NPY5R: variants seen among roughly 807,000 people sequenced by gnomAD.
NPY5R encodes neuropeptide Y receptor type 5.
A neutral mutation model predicts 24.8 loss-of-function variants in NPY5R; 21 were observed. That is an observed-to-expected ratio of 0.85 (90% CI 0.60 to 1.22). The LOEUF is 1.22. Ranked by LOEUF, NPY5R falls within the 50% of genes most tolerant of loss-of-function variation. The pLI is 0.00. For missense variants in NPY5R, 481 were observed against 521.3 expected (o/e 0.92, Z 0.75); for synonymous variants, 175 against 183.0 (o/e 0.96, Z 0.35).
rs886258346 is a variant in NPY5R at position 163,344,513 on chromosome 4, G to A, written c.-121+513G>A. Reference sequence around the variant, plus strand: ...CCCTAGCGGGTCTCTGGCGAGGCCGGGGGCGCAGCCCGCGGGGCGCCACTC... The same window carrying A: ...CCCTAGCGGGTCTCTGGCGAGGCCGAGGGCGCAGCCCGCGGGGCGCCACTC... On this transcript the variant is annotated intron_variant, in intron 1 of 3. Transcript: ENST00000338566. The A allele has an allele frequency of 2.0e-5, 3 of 152,276 alleles. No individual in the cohort carries two copies. In the East Asian group the frequency reaches 5.8e-4, roughly 29 times the overall value. 9.4% of individuals were successfully genotyped at this position (152,276 alleles called of 1,614,324 possible).
chr4:163,347,261 G>A (rs1735291547), intron 2 of NPY5R, among the ~76,000 whole-genome samples, 191 bp from the exon 3 acceptor site: 1 of 152,178 alleles, frequency 6.6e-6, no homozygotes, highest in African/African-American at 2.4e-5. Context: ...ATGGAATGGA[G>A]AAAAATCTGA....
intron 1 of NPY5R, chr4:163,344,827 A>G (rs1454413466): frequency 6.6e-6 from 1 of 152,026 alleles, no homozygotes; most frequent in African/African-American, 2.4e-5. Context: ...TGCAGTCCGA[A>G]TGCAATTTTA....
chr4:163,345,562 T>C (rs1054060487), intron 1 of NPY5R, 152 bp from the exon 2 acceptor site: 1 of 152,224 alleles, frequency 6.6e-6, no homozygotes, highest in Non-Finnish European at 1.5e-5. Context: ...TATTCCATGT[T>C]AAAATATTTT....
chr4:163,346,771 T>C (rs11724320), intron 2 of NPY5R, among the ~76,000 whole-genome samples: 85,255 of 152,030 alleles, frequency 0.56, 25,087 homozygotes, highest in Non-Finnish European at 0.66. Context: ...TGCACAGTCG[T>C]GGAAATGGAT....
At chr4:163,344,607 C>A (rs1346925037) in intron 1 of NPY5R, 5 of 152,224 alleles carry the variant, frequency 3.3e-5, no homozygotes, top group Non-Finnish European at 7.3e-5. Context: ...CTAAGGTTTG[C>A]GCTCCTGTTT....
intron 1 of NPY5R, chr4:163,344,745 G>A (rs1446720389): frequency 6.6e-6 from 1 of 152,258 alleles, no homozygotes; most frequent in African/African-American, 2.4e-5. Context: ...CTGAGGCGTT[G>A]TGTTGGACCA....
chr4:163,349,488 C>A (rs1424499084), intron 3 of NPY5R, among the ~76,000 whole-genome samples: 2 of 152,142 alleles, frequency 1.3e-5, no homozygotes, highest in Admixed American at 1.3e-4. Context: ...GAGATCATGT[C>A]CAGCCGAGTT....
intron 3 of NPY5R, among the ~76,000 whole-genome samples, chr4:163,348,575 T>C (rs1735349122): frequency 6.6e-6 from 1 of 151,608 alleles, no homozygotes; most frequent in African/African-American, 2.4e-5. Flanking sequence ...AGTCCAGGCG[T>C]TCAAGGTTAC....
chr4:163,347,028 C>T (rs1015281384), intron 2 of NPY5R, among the ~76,000 whole-genome samples: 4 of 152,086 alleles, frequency 2.6e-5, no homozygotes, highest in African/African-American at 7.2e-5. Flanking sequence ...TATGTACACA[C>T]AAAAATATAG....
intron 1 of NPY5R, chr4:163,344,406 G>C (rs1578949325): frequency 3.3e-5 from 5 of 152,420 alleles, no homozygotes; most frequent in East Asian, 1.9e-4. Flanking sequence ...CGCTGCCCCC[G>C]GCTGGACGCG....
chr4:163,346,336 G>T (rs1008829624), intron 2 of NPY5R, among the ~76,000 whole-genome samples: 10 of 151,958 alleles, frequency 6.6e-5, no homozygotes, highest in Admixed American at 4.6e-4. Flanking sequence ...TCCAATTTGG[G>T]GCCTTTTATA....
rs144160203 is a variant in NPY5R, at chr4:163,351,287, G to T, written c.1014G>T (p.Glu338Asp). The T allele has an allele frequency of 1.1e-4, 173 of 1,613,934 alleles. No homozygotes were observed. The African/African-American group carries it at 2.1e-3, about 20-fold the overall frequency. Residue 338 changes from glutamate (E) to aspartate (D), a missense_variant, in exon 4 of 4, where the codon GAG (glutamate) becomes GAT (aspartate). Glu to Asp is a conservative substitution (Grantham distance 45, BLOSUM62 2). Transcript: ENST00000338566. The stretch of plus-strand genomic sequence containing the variant: ...TACCAGGGGTCCCCACTTGCTTTGA[G>T]ATAAAACCTGAAGAAAATTCAGATG... ...KFIPGVPTCFEIKPEENSDVH... is the reference protein window; with the variant it reads ...KFIPGVPTCFDIKPEENSDVH...
rs1735435707 is a variant in NPY5R, at chr4:163,350,334, G to A, written c.61G>A (p.Ala21Thr). ...ACTTGCCACAGAGAATAATACTGCT[G>A]CCACTCGGAATTCTGATTTCCCAGT... The part of the protein sequence containing the change: ...KTLATENNTA[A>T]TRNSDFPVWD... The change falls in exon 4 of 4, where the codon GCC (alanine) becomes ACC (threonine). Residue 21 changes from alanine (A) to threonine (T), a missense_variant. Transcript: ENST00000338566. 1 of 1,609,852 alleles carries A rather than the reference G, an allele frequency of 6.2e-7. No homozygotes were observed. Among genetic ancestry groups the A allele is most frequent in the African/African-American group, 1.3e-5 (1 of 74,872 alleles).
Position 163,351,230 on chromosome 4 carries a change from A to G in NPY5R, c.957A>G (p.Val319=), listed in dbSNP as rs761488764. Reference sequence around the variant, plus strand: ...TACTTCCAGAAAACTTTGGCTCTGTAAGAAGTCAGCTCTCTTCATCCAGTA... The same window carrying G: ...TACTTCCAGAAAACTTTGGCTCTGTGAGAAGTCAGCTCTCTTCATCCAGTA... ...SRILPENFGS[V]RSQLSSSSKF... The change falls in exon 4 of 4, where the codon GTA becomes GTG. Residue 319 remains valine, a synonymous_variant. Coordinates refer to ENST00000338566, the MANE Select transcript of NPY5R (RefSeq NM_006174.4). 2 of 1,614,160 alleles carry G rather than the reference A, an allele frequency of 1.2e-6. No individual in the cohort carries two copies. Among genetic ancestry groups the G allele is most frequent in the Non-Finnish European group, 8.5e-7 (1 of 1,180,010 alleles).
Position 163,351,584 on chromosome 4 carries a change from G to A in NPY5R, c.1311G>A (p.Val437=), listed in dbSNP as rs771492501. The change falls in exon 4 of 4, where the codon GTG becomes GTA. Residue 437 remains valine (V), a synonymous_variant. Coordinates refer to ENST00000338566, the MANE Select transcript of NPY5R (RefSeq NM_006174.4). Reference sequence around the variant, plus strand: ...ATAATGGGATTAAAGCTGATTTAGTGTCCCTTATACACTGTCTTCATATGT... The same window carrying A: ...ATAATGGGATTAAAGCTGATTTAGTATCCCTTATACACTGTCTTCATATGT... ...FLNNGIKADL[V]SLIHCLHM is the part of the protein sequence containing the mutation. 6.2e-7 allele frequency: 1 copy of A among 1,608,382 alleles called. No homozygotes were observed. Among genetic ancestry groups the A allele is most frequent in the Admixed American group, 1.7e-5 (1 of 59,980 alleles).
Position 163,350,573 on chromosome 4 carries a change from G to T in NPY5R, c.300G>T (p.Thr100=). Residue 100 remains threonine, a synonymous_variant, in exon 4 of 4, where the codon ACG becomes ACT. Transcript: ENST00000338566. ...TGTTTTGCTCACCTTTCACACTGAC[G>T]TCTGTCTTGCTGGATCAGTGGATGT... is the stretch of plus-strand genomic sequence containing the variant. The part of the protein sequence containing the change: ...VVLFCSPFTL[T]SVLLDQWMFG... The T allele has an allele frequency of 1.9e-6, 3 of 1,614,064 alleles. No individual in the cohort carries two copies. The highest frequency in any genetic ancestry group is 2.5e-6 in the Non-Finnish European group (3 of 1,179,986).
chr4:163,348,794 G>A (rs183016340), intron 3 of NPY5R, among the ~76,000 whole-genome samples: 7 of 151,800 alleles, frequency 4.6e-5, no homozygotes, highest in Admixed American at 1.3e-4. Context: ...AGGTAAATAC[G>A]TAATGCCATT....
At chr4:163,352,373 A>G (rs1735526312), downstream of NPY5R, among the ~76,000 whole-genome samples, 1 of 152,158 alleles carries the variant, frequency 6.6e-6, no homozygotes, top group South Asian at 2.1e-4. Flanking sequence ...TGGTATCTGT[A>G]TTTCCAATTA....
chr4:163,348,597 G>A (rs1186169203), intron 3 of NPY5R, among the ~76,000 whole-genome samples: 1 of 151,466 alleles, frequency 6.6e-6, no homozygotes, highest in East Asian at 1.9e-4. Flanking sequence ...ATGAGCTGTG[G>A]TCACACTACT....
Sources: allele counts gnomAD v4.1 joint callset (sites outside exome capture counted in the v4.1 genomes callset), GRCh38; gene constraint gnomAD v4.1.1; transcripts MANE v1.5; gene names NCBI Gene and HGNC (gene_info 2026-07-23, HGNC 2026-07-21).